The following TBX15 variants were observed in gnomAD, a reference collection of about 807,000 sequenced individuals.
TBX15 encodes the protein T-box transcription factor TBX15.
In TBX15, 18 loss-of-function variants were observed where a neutral mutation model predicts 53.9. The ratio of observed to expected loss-of-function variants is 0.33; its 90% CI spans 0.23 to 0.49. The LOEUF (loss-of-function observed/expected upper bound fraction) is 0.49, where lower values mean the gene tolerates loss of function less well. Ranked by LOEUF, TBX15 falls within the 20% of genes least tolerant of loss-of-function variation. The pLI is 0.98. For missense variants in TBX15, 692 were observed against 749.5 expected (o/e 0.92, Z 0.90); for synonymous variants, 295 against 278.0 (o/e 1.06, Z -0.61).
intron 1 of TBX15, among the ~76,000 whole-genome samples, chr1:118,977,185 A>G (rs764330390): frequency 7.9e-5 from 12 of 152,218 alleles, no homozygotes; most frequent in Admixed American, 3.3e-4. Flanking sequence ...TGAGCTCTTA[A>G]CCACTACACT....
At chr1:118,972,681 C>T (rs1251726231) in intron 1 of TBX15, among the ~76,000 whole-genome samples, 1 of 152,130 alleles carries the variant, frequency 6.6e-6, no homozygotes, top group African/African-American at 2.4e-5. Flanking sequence ...TCATTGCAAC[C>T]TCTGCCTCCC....
At chr1:118,939,692 T>A (rs61806205) in intron 1 of TBX15, among the ~76,000 whole-genome samples, 22,016 of 150,942 alleles carry the variant, frequency 0.15, 1,993 homozygotes, top group Non-Finnish European at 0.18. Context: ...AGATCTAAAA[T>A]AAAAGTTAAA....
At position 118,883,421 on chromosome 1, in the gene TBX15, A is replaced by T. The variant is rs1160717393; in HGVS notation, c.*1311T>A. The T allele has an allele frequency of 6.6e-6, 1 of 152,468 alleles. No homozygotes were observed. The highest frequency in any genetic ancestry group is 1.5e-5 in the Non-Finnish European group (1 of 68,038). The allele number at this position is 152,468 out of a possible 1,614,324, so 9.4% of individuals were successfully genotyped here. ...AAAATGCAATGTACTATTTGATAAA[A>T]ATGGAGATCTAAGGGCAGGTAGAAG... On this transcript the variant is annotated 3_prime_UTR_variant, in exon 8 of 8. Coordinates refer to ENST00000369429, the MANE Select transcript of TBX15 (RefSeq NM_001330677.2).
intron 6 of TBX15, among the ~76,000 whole-genome samples, chr1:118,910,711 A>G (rs1286373015): frequency 2.0e-5 from 3 of 152,220 alleles, no homozygotes; most frequent in Non-Finnish European, 4.4e-5. Context: ...ATTTATTTTA[A>G]TCTAGTTTTC....
chr1:118,965,165 G>A (rs1656999269), intron 1 of TBX15, among the ~76,000 whole-genome samples: 1 of 152,120 alleles, frequency 6.6e-6, no homozygotes, highest in African/African-American at 2.4e-5. Context: ...CTGAAGACTT[G>A]CACCCCAGGA....
chr1:118,933,378 G>A (rs1451451326), intron 1 of TBX15, among the ~76,000 whole-genome samples: 1 of 151,620 alleles, frequency 6.6e-6, no homozygotes, highest in East Asian at 1.9e-4. Context: ...GGAAGTTTCT[G>A]ACCAAAAACT....
chr1:118,888,517 G>C (rs1317274549), intron 7 of TBX15, among the ~76,000 whole-genome samples: 1 of 152,178 alleles, frequency 6.6e-6, no homozygotes, highest in Non-Finnish European at 1.5e-5. Context: ...CATTTCAAGC[G>C]TGTGGTTCCT....
intron 1 of TBX15, among the ~76,000 whole-genome samples, chr1:118,968,084 C>T (rs140164459): frequency 2.6e-5 from 4 of 152,300 alleles, no homozygotes; most frequent in Middle Eastern, 3.4e-3. Context: ...ATACAGTTTC[C>T]GGAGCACTGT....
chr1:118,917,734 C>T (rs1296724053), intron 5 of TBX15, among the ~76,000 whole-genome samples: 1 of 152,160 alleles, frequency 6.6e-6, no homozygotes, highest in Non-Finnish European at 1.5e-5. Flanking sequence ...CTTCCATTCT[C>T]GTCCCTGTAC....
In TBX15 at chr1:118,929,431, A is replaced by C. The variant is rs550035579; in HGVS notation, c.419+2188T>G. The stretch of plus-strand genomic sequence containing the variant: ...TAACCAGGAGAATGAGAAGGAATGA[A>C]GAAAATTCACAGAAGAGAAAGCCTT... On this transcript the variant is annotated intron_variant, in intron 2 of 7. Transcript: ENST00000369429. Among the ~76,000 whole-genome samples the C allele has an allele frequency of 1.4e-4, 22 of 152,370 alleles. No homozygotes were observed. The East Asian group carries it at 4.0e-3, about 28-fold the overall frequency.
At chr1:118,893,502 G>GAA (rs1553218224) in intron 7 of TBX15, among the ~76,000 whole-genome samples, 1 of 123,062 alleles carries the variant, frequency 8.1e-6, no homozygotes, top group Non-Finnish European at 1.6e-5. Flanking sequence ...AAGAAAGAAA[G>GAA]AAAGAAAGAA....
At chr1:118,957,274 T>C (rs1286237743) in intron 1 of TBX15, among the ~76,000 whole-genome samples, 2 of 152,132 alleles carry the variant, frequency 1.3e-5, no homozygotes, top group Non-Finnish European at 2.9e-5. Flanking sequence ...GTCGGACCAA[T>C]CCAGTGAGGG....
At chr1:118,949,529 G>T (rs1016577970) in intron 1 of TBX15, among the ~76,000 whole-genome samples, 2 of 152,170 alleles carry the variant, frequency 1.3e-5, no homozygotes, top group African/African-American at 2.4e-5. Flanking sequence ...TTACTTTGTG[G>T]GAGTTTCTTT....
At chr1:118,980,901 C>T (rs979863891) in intron 1 of TBX15, among the ~76,000 whole-genome samples, 2 of 151,904 alleles carry the variant, frequency 1.3e-5, no homozygotes, top group Admixed American at 6.6e-5. Context: ...GGCACTATCT[C>T]GGCTCATTGC....
chr1:118,941,400 G>A (rs866273554), intron 1 of TBX15, among the ~76,000 whole-genome samples: 5 of 152,198 alleles, frequency 3.3e-5, no homozygotes, highest in African/African-American at 1.2e-4. Context: ...GCCTCTGGAG[G>A]TGGCAGTTTC....
intron 1 of TBX15, among the ~76,000 whole-genome samples, chr1:118,949,922 T>G (rs1368230199): frequency 6.6e-6 from 1 of 152,232 alleles, no homozygotes; most frequent in Non-Finnish European, 1.5e-5. Flanking sequence ...AGTTTTAAAC[T>G]TCTTTTATGT....
At chr1:118,977,353 G>A (rs1222161934) in intron 1 of TBX15, among the ~76,000 whole-genome samples, 5 of 152,122 alleles carry the variant, frequency 3.3e-5, no homozygotes, top group Non-Finnish European at 7.4e-5. Flanking sequence ...AATAAATGTT[G>A]CTGTTTCTTA....
At chr1:118,940,840 C>A (rs1392088720) in intron 1 of TBX15, among the ~76,000 whole-genome samples, 1 of 151,532 alleles carries the variant, frequency 6.6e-6, no homozygotes, top group Non-Finnish European at 1.5e-5. Flanking sequence ...TTTATGAGAC[C>A]AACTTTTGGG....
At chr1:118,925,340 C>G (rs1655558767) in intron 3 of TBX15, among the ~76,000 whole-genome samples, 1 of 152,202 alleles carries the variant, frequency 6.6e-6, no homozygotes, top group Non-Finnish European at 1.5e-5. Context: ...ACTGGTTAAC[C>G]ATTTCCTTGC....
Sources: allele counts gnomAD v4.1 joint callset (sites outside exome capture counted in the v4.1 genomes callset), GRCh38; gene constraint gnomAD v4.1.1; transcripts MANE v1.5; gene names NCBI Gene and HGNC (gene_info 2026-07-23, HGNC 2026-07-21).